Variants in TSPAN9 observed in about 807,000 individuals in gnomAD.
TSPAN9 encodes the protein tetraspanin 9, also known as tetraspanin-9.
TSPAN9 carries 16 observed loss-of-function variants against 31.0 expected under a neutral mutation model. The ratio of observed to expected loss-of-function variants is 0.52; its 90% CI spans 0.35 to 0.78. The LOEUF (loss-of-function observed/expected upper bound fraction) is 0.78. Ranked by LOEUF, TSPAN9 falls within the 30% of genes least tolerant of loss-of-function variation. The probability of loss-of-function intolerance (pLI) is 0.01; values close to 1 mark genes in which losing one functional copy is unlikely to be tolerated. For missense variants in TSPAN9, 272 were observed against 312.5 expected (o/e 0.87, Z 0.98); for synonymous variants, 145 against 121.6 (o/e 1.19, Z -1.27).
chr12:3,091,880 T>TG (rs1483320257), intron 2 of TSPAN9, among the ~76,000 whole-genome samples: 1 of 152,166 alleles, frequency 6.6e-6, no homozygotes, highest in Admixed American at 6.5e-5. Context: ...GGAGGGAGTA[T>TG]GGCCTAGCAC....
chr12:3,189,939 C>T (rs1390462686), intron 2 of TSPAN9, among the ~76,000 whole-genome samples: 1 of 152,218 alleles, frequency 6.6e-6, no homozygotes, highest in Admixed American at 6.5e-5. Flanking sequence ...CCAAGTCTGT[C>T]CCTGCCACCC....
At chr12:3,240,321 T>G (rs2098395964) in intron 3 of TSPAN9, among the ~76,000 whole-genome samples, 3 of 151,488 alleles carry the variant, frequency 2.0e-5, no homozygotes, top group Non-Finnish European at 4.4e-5. Context: ...TGGGAGAGTG[T>G]GAGGCCAGGT....
chr12:3,198,443 CA>C (rs2098368668), intron 2 of TSPAN9, among the ~76,000 whole-genome samples: 1 of 102,296 alleles, frequency 9.8e-6, no homozygotes, highest in African/African-American at 4.0e-5. Context: ...CAGCACAGGT[CA>C]CACCAGCACA....
chr12:3,258,402 C>A (rs1168816410), intron 3 of TSPAN9, among the ~76,000 whole-genome samples: 1 of 152,116 alleles, frequency 6.6e-6, no homozygotes, highest in Non-Finnish European at 1.5e-5. Flanking sequence ...GTGTCCTCTC[C>A]TTTGAGATGG....
At chr12:3,141,643 CGT>C (rs2098334907) in intron 2 of TSPAN9, among the ~76,000 whole-genome samples, 1 of 152,118 alleles carries the variant, frequency 6.6e-6, no homozygotes, top group Admixed American at 6.5e-5. Flanking sequence ...TCGGTGTGCA[CGT>C]GTCTCTCCAA....
At chr12:3,279,249 G>A (rs979768273) in intron 5 of TSPAN9, among the ~76,000 whole-genome samples, 183 bp downstream of exon 5, 6 of 152,228 alleles carry the variant, frequency 3.9e-5, no homozygotes, top group African/African-American at 1.4e-4. Flanking sequence ...AGGTTTTGAT[G>A]GGGGCAGCAT....
intron 3 of TSPAN9, among the ~76,000 whole-genome samples, chr12:3,274,444 C>T (rs1255718544): frequency 6.6e-6 from 1 of 152,016 alleles, no homozygotes; most frequent in African/African-American, 2.4e-5. Context: ...CAGCTCTATG[C>T]AGGCTGGGCT....
intron 2 of TSPAN9, among the ~76,000 whole-genome samples, chr12:3,087,085 AGC>A (rs1161527675): frequency 1.3e-5 from 2 of 152,212 alleles, no homozygotes; most frequent in African/African-American, 4.8e-5. Flanking sequence ...AACAGGGTGC[AGC>A]CATGCACATG....
In TSPAN9 at chr12:3,168,242, C is replaced by T. The variant is rs1191402491; in HGVS notation, c.-17-32935C>T. ...CATGGGAAAAATCTTCATCCCTCTA[C>T]ACTGTGCCAGCTCTTTCCAGATGCT... On this transcript the variant is annotated intron_variant, in intron 2 of 8. Coordinates refer to ENST00000011898, the MANE Select transcript of TSPAN9 (RefSeq NM_006675.5). This position sits in a 1 kb window ranked among gnomAD's most constrained non-coding sequence, Gnocchi z 4.0. 6.6e-6 allele frequency among the ~76,000 whole-genome samples: 1 copy of T among 152,226 alleles called. No homozygotes were observed. The highest frequency in any genetic ancestry group is 2.4e-5 in the African/African-American group (1 of 41,446).
chr12:3,121,511 C>T (rs1027482843), intron 2 of TSPAN9, among the ~76,000 whole-genome samples: 4 of 148,448 alleles, frequency 2.7e-5, no homozygotes, highest in African/African-American at 7.5e-5. Flanking sequence ...AGGCACATGC[C>T]ACCATATCTG....
At chr12:3,244,814 T>C (rs615317) in intron 3 of TSPAN9, among the ~76,000 whole-genome samples, 134,907 of 152,124 alleles carry the variant, frequency 0.89, 61,186 homozygotes, top group Non-Finnish European at 1. Flanking sequence ...CCCAGCCAGG[T>C]TCGGTGGAGT....
At chr12:3,211,817 T>A (rs1290302179) in intron 3 of TSPAN9, 9 of 1,593,678 alleles carry the variant, frequency 5.6e-6, no homozygotes, top group Non-Finnish European at 7.6e-6. Flanking sequence ...GCATTTCACA[T>A]CCATGAAGTA....
chr12:3,081,382 C>G (rs10848785), intron 1 of TSPAN9, among the ~76,000 whole-genome samples: 52,297 of 151,976 alleles, frequency 0.34, 9,689 homozygotes, highest in Admixed American at 0.47. Context: ...CCTCCTGGAA[C>G]CCTTGGTTCT....
chr12:3,103,611 G>A (rs966246403), intron 2 of TSPAN9, among the ~76,000 whole-genome samples: 1 of 147,390 alleles, frequency 6.8e-6, no homozygotes, highest in Non-Finnish European at 1.5e-5. Flanking sequence ...TGCCATGCAC[G>A]AACATGTATT....
intron 2 of TSPAN9, among the ~76,000 whole-genome samples, chr12:3,154,010 A>ATGTGTGTGTG (rs56928697): frequency 3.2e-4 from 47 of 147,984 alleles, no homozygotes; most frequent in Middle Eastern, 3.5e-3. Context: ...TTATATATAT[A>ATGTGTGTGTG]TGTGTGTGTG....
intron 3 of TSPAN9, among the ~76,000 whole-genome samples, chr12:3,276,852 G>A (rs775854719): frequency 2.0e-5 from 3 of 152,122 alleles, no homozygotes; most frequent in Admixed American, 6.5e-5. Context: ...AGGAATAAGC[G>A]AAGGAGATGC....
intron 3 of TSPAN9, among the ~76,000 whole-genome samples, chr12:3,229,192 A>C (rs1441292977): frequency 6.6e-6 from 1 of 152,192 alleles, no homozygotes; most frequent in Non-Finnish European, 1.5e-5. Flanking sequence ...TACTGTGGGC[A>C]CAGGGGACAG....
At position 3,143,126 on chromosome 12, in the gene TSPAN9, C is replaced by G. The variant is rs1486798085; in HGVS notation, c.-17-58051C>G. The stretch of plus-strand genomic sequence containing the variant: ...ACGTGTCCTTCTAGGTGTGTGGCAT[C>G]AAGGGGAATGTGATGTCTGTGTGTC... On this transcript the variant is annotated intron_variant, in intron 2 of 8. Coordinates refer to ENST00000011898, the MANE Select transcript of TSPAN9 (RefSeq NM_006675.5). The surrounding 1 kb of genome is among the most constrained non-coding windows in gnomAD (Gnocchi z 4.2). Among the ~76,000 whole-genome samples the G allele has an allele frequency of 6.6e-6, 1 of 151,952 alleles. No homozygotes were observed. Among genetic ancestry groups the G allele is most frequent in the Non-Finnish European group, 1.5e-5 (1 of 67,990 alleles).
At chr12:3,185,792 C>T (rs2098360972) in intron 2 of TSPAN9, among the ~76,000 whole-genome samples, 1 of 152,176 alleles carries the variant, frequency 6.6e-6, no homozygotes, top group Non-Finnish European at 1.5e-5. Flanking sequence ...GGGGTTTCTT[C>T]TAGGCCCAGA....
Sources: gnomAD v4.1 joint callset for allele counts (sites outside exome capture counted in the v4.1 genomes callset) on GRCh38, gnomAD v4.1.1 for gene constraint, Gnocchi (gnomAD v3.1) non-coding constraint, MANE v1.5 for transcripts, NCBI Gene and HGNC (gene_info 2026-07-23, HGNC 2026-07-21) for gene names.